The following SMOC2 variants were observed in gnomAD, a reference collection of about 807,000 sequenced individuals.
SMOC2 encodes the protein SPARC-related modular calcium-binding protein 2.
A neutral mutation model predicts 61.4 loss-of-function variants in SMOC2; 39 were observed. The ratio of observed to expected loss-of-function variants is 0.64; its 90% CI spans 0.49 to 0.83. The LOEUF (loss-of-function observed/expected upper bound fraction) is 0.83. Among genes scored for constraint, SMOC2 ranks in the 40% least tolerant of loss-of-function variants. The probability of loss-of-function intolerance (pLI) is 0.00; values close to 1 mark genes in which losing one functional copy is unlikely to be tolerated. For missense variants in SMOC2, 556 were observed against 592.9 expected, an observed-to-expected ratio of 0.94 and a Z score of 0.65; for synonymous variants, 247 against 239.9, an observed-to-expected ratio of 1.03 and a Z score of -0.27.
At chr6:168,570,003 G>A (rs1181190694) in intron 7 of SMOC2, among the ~76,000 whole-genome samples, 1 of 152,188 alleles carries the variant, frequency 6.6e-6, no homozygotes, top group African/African-American at 2.4e-5. Context: ...ACGTAGCTCT[G>A]TGGTATATTG....
At chr6:168,612,484 A>C (rs556085751) in intron 9 of SMOC2, among the ~76,000 whole-genome samples, 1 of 147,206 alleles carries the variant, frequency 6.8e-6, no homozygotes, top group South Asian at 2.2e-4. Context: ...GCCTTTACTC[A>C]AACAGCAGTG....
chr6:168,566,626 C>T (rs1784548937), intron 7 of SMOC2, among the ~76,000 whole-genome samples: 1 of 151,896 alleles, frequency 6.6e-6, no homozygotes, highest in African/African-American at 2.4e-5. Context: ...GGACTACAGG[C>T]ACGTGGCACC....
intron 11 of SMOC2, among the ~76,000 whole-genome samples, chr6:168,657,490 A>T (rs1272616281): frequency 1.3e-5 from 2 of 152,146 alleles, no homozygotes; most frequent in African/African-American, 4.8e-5. Flanking sequence ...CCCATGTGTG[A>T]TTTCCCCCTT....
chr6:168,574,066 A>G (rs1477635478), intron 7 of SMOC2, among the ~76,000 whole-genome samples: 1 of 152,216 alleles, frequency 6.6e-6, no homozygotes, highest in Non-Finnish European at 1.5e-5. Flanking sequence ...CTAGAAGACG[A>G]GGAAAAGAGG....
At chr6:168,538,233 G>T (rs1315691531) in intron 4 of SMOC2, among the ~76,000 whole-genome samples, 1 of 148,218 alleles carries the variant, frequency 6.7e-6, no homozygotes, top group Non-Finnish European at 1.5e-5. Context: ...GGAATCTGGG[G>T]GAGCGGGGTG....
chr6:168,554,891 G>C (rs539966769), intron 7 of SMOC2, among the ~76,000 whole-genome samples: 2 of 152,314 alleles, frequency 1.3e-5, no homozygotes, highest in African/African-American at 4.8e-5. Flanking sequence ...GATGCCGGGG[G>C]CATCTGCTGC....
chr6:168,488,931 G>A (rs554004986), intron 1 of SMOC2, among the ~76,000 whole-genome samples: 1 of 151,116 alleles, frequency 6.6e-6, no homozygotes, highest in South Asian at 2.2e-4. Flanking sequence ...CAAATCGTCT[G>A]GGTCCCCTTG....
intron 8 of SMOC2, among the ~76,000 whole-genome samples, chr6:168,605,142 T>A (rs1453967862): frequency 6.6e-6 from 1 of 152,168 alleles, no homozygotes; most frequent in Admixed American, 6.5e-5. Context: ...TCTGCATTCA[T>A]GCCCAGAACA....
intron 8 of SMOC2, among the ~76,000 whole-genome samples, chr6:168,600,441 A>AAAAC: frequency 1.6e-5 from 2 of 127,068 alleles, no homozygotes; most frequent in South Asian, 2.6e-4. Flanking sequence ...AAACAAAAAA[A>AAAAC]AAAACAGTAG....
intron 7 of SMOC2, among the ~76,000 whole-genome samples, chr6:168,588,305 G>A (rs2115168925): frequency 6.6e-6 from 1 of 151,974 alleles, no homozygotes; most frequent in South Asian, 2.1e-4. Flanking sequence ...TGTATTTTTA[G>A]TAGAGACAGG....
intron 9 of SMOC2, among the ~76,000 whole-genome samples, chr6:168,648,376 C>T (rs1167070796): frequency 6.6e-6 from 1 of 152,352 alleles, no homozygotes; most frequent in East Asian, 1.9e-4. Context: ...CTTCTGCCCA[C>T]GTGTTCCCGA....
intron 1 of SMOC2, among the ~76,000 whole-genome samples, chr6:168,474,721 C>T (rs970081501): frequency 3.9e-5 from 6 of 152,094 alleles, no homozygotes; most frequent in East Asian, 1.9e-4. Flanking sequence ...TTGATACACA[C>T]GGTAAAGCAC....
chr6:168,646,421 G>A (rs1430933563), intron 9 of SMOC2, among the ~76,000 whole-genome samples: 2 of 152,304 alleles, frequency 1.3e-5, no homozygotes, highest in African/African-American at 2.4e-5. Context: ...GGAAGGAAGC[G>A]AAAGTTAATT....
chr6:168,502,541 A>G (rs1205404511), intron 1 of SMOC2, among the ~76,000 whole-genome samples: 1 of 152,128 alleles, frequency 6.6e-6, no homozygotes, highest in Non-Finnish European at 1.5e-5. Context: ...CTTGGTTTTA[A>G]GGTCCTATGG....
At chr6:168,597,446 G>A (rs111443241) in intron 7 of SMOC2, among the ~76,000 whole-genome samples, 1,579 of 152,272 alleles carry the variant, frequency 0.01, 27 homozygotes, top group African/African-American at 0.034. Flanking sequence ...AACATTTGTG[G>A]AACTGTGTCA....
intron 1 of SMOC2, among the ~76,000 whole-genome samples, chr6:168,508,787 C>T (rs936857626): frequency 2.0e-5 from 3 of 152,262 alleles, no homozygotes; most frequent in East Asian, 3.9e-4. Context: ...GCCCCGCTCA[C>T]GTGCACACCA....
rs148671908 is a variant in SMOC2 at position 168,523,589 on chromosome 6, C to T, written c.257-2757C>T. Among the ~76,000 whole-genome samples the T allele has an allele frequency of 2.0e-3, 302 of 151,082 alleles. 2 individuals are homozygous for T. The highest frequency in any genetic ancestry group is 0.01 in the Middle Eastern group (3 of 294). Reference sequence around the variant, plus strand: ...TTATTATTTTTATTTTTAGTAGAGACGGGGTTTCACCATGTTAGCCAGGAT... The same window carrying T: ...TTATTATTTTTATTTTTAGTAGAGATGGGGTTTCACCATGTTAGCCAGGAT... On this transcript the variant is annotated intron_variant, in intron 2 of 12. Transcript: ENST00000356284.
intron 4 of SMOC2, among the ~76,000 whole-genome samples, chr6:168,541,650 C>T (rs1221422385): frequency 6.6e-6 from 1 of 152,152 alleles, no homozygotes; most frequent in Non-Finnish European, 1.5e-5. Flanking sequence ...AAGGTGAAGT[C>T]AATGCACTAT....
chr6:168,448,314 G>A (rs1173896787), intron 1 of SMOC2, among the ~76,000 whole-genome samples: 5 of 152,198 alleles, frequency 3.3e-5, no homozygotes, highest in African/African-American at 9.7e-5. Flanking sequence ...AGGAGGCTGG[G>A]GAGGAGGATG....
Sources: allele counts gnomAD v4.1 joint callset (sites outside exome capture counted in the v4.1 genomes callset), GRCh38; gene constraint gnomAD v4.1.1; transcripts MANE v1.5; gene names NCBI Gene and HGNC (gene_info 2026-07-23, HGNC 2026-07-21).